Variants in NCKAP5 observed in about 807,000 individuals in gnomAD.
The protein encoded by NCKAP5 is nck-associated protein 5.
NCKAP5 carries 92 observed loss-of-function variants against 167.0 expected under a neutral mutation model. The ratio of observed to expected loss-of-function variants is 0.55; its 90% CI spans 0.47 to 0.66. The LOEUF is 0.66. Among genes scored for constraint, NCKAP5 ranks in the 30% least tolerant of loss-of-function variants. The pLI is 0.00. For missense variants in NCKAP5, 2,378 were observed against 2,315.0 expected (o/e 1.03, Z -0.56); for synonymous variants, 891 against 877.4 (o/e 1.02, Z -0.27).
At chr2:133,178,264 C>T (rs369121298) in intron 5 of NCKAP5, among the ~76,000 whole-genome samples, 3 of 151,828 alleles carry the variant, frequency 2.0e-5, no homozygotes, top group African/African-American at 4.8e-5. Flanking sequence ...TTTGGGAGGC[C>T]GAGCAGGTGG....
At chr2:132,766,810 T>C (rs1161665577) in intron 16 of NCKAP5, among the ~76,000 whole-genome samples, 2 of 152,222 alleles carry the variant, frequency 1.3e-5, no homozygotes, top group East Asian at 3.9e-4. Flanking sequence ...AGCTGCTCTA[T>C]TTGCTGACTT....
chr2:133,565,713 C>A (rs1688498491), intron 1 of NCKAP5, among the ~76,000 whole-genome samples: 1 of 152,218 alleles, frequency 6.6e-6, no homozygotes, highest in South Asian at 2.1e-4. Flanking sequence ...TCCCCGTCTT[C>A]ATGGTCAGAA....
At chr2:133,284,258 T>G (rs2090028779) in intron 4 of NCKAP5, among the ~76,000 whole-genome samples, 1 of 152,038 alleles carries the variant, frequency 6.6e-6, no homozygotes, top group Non-Finnish European at 1.5e-5. Context: ...CAATTCAAGC[T>G]TGTCTGTGTT....
chr2:133,507,054 C>T (rs780085435), intron 3 of NCKAP5, among the ~76,000 whole-genome samples: 11 of 152,216 alleles, frequency 7.2e-5, no homozygotes, highest in Non-Finnish European at 1.3e-4. Context: ...CTACCTACCA[C>T]ACCCACAGTC....
chr2:132,752,220 C>T (rs1051391782), intron 16 of NCKAP5, among the ~76,000 whole-genome samples: 3 of 152,184 alleles, frequency 2.0e-5, no homozygotes, highest in African/African-American at 7.2e-5. Context: ...GTTTTAGGGG[C>T]CTTGGGCCCT....
chr2:133,619,502 A>C, the NCKAP5 span, among the ~76,000 whole-genome samples: 5 of 150,812 alleles, frequency 3.3e-5, no homozygotes, highest in Non-Finnish European at 7.4e-5. Context: ...CAGAGCTTGA[A>C]GACAAGGCTT....
the NCKAP5 span, among the ~76,000 whole-genome samples, chr2:133,603,800 G>T: frequency 1.3e-5 from 2 of 152,196 alleles, no homozygotes; most frequent in Admixed American, 6.5e-5. Flanking sequence ...GCCTCCCAAA[G>T]TGCTGGGATT....
intron 2 of NCKAP5, among the ~76,000 whole-genome samples, chr2:133,544,989 A>T (rs534498388): frequency 1.3e-5 from 2 of 152,260 alleles, no homozygotes; most frequent in South Asian, 4.1e-4. Context: ...TCACAGCCTC[A>T]TCTTAAGGGT....
chr2:133,147,619 A>G (rs1352450396), intron 5 of NCKAP5, among the ~76,000 whole-genome samples: 2 of 152,128 alleles, frequency 1.3e-5, no homozygotes, highest in Non-Finnish European at 2.9e-5. Context: ...GTGGTGATGT[A>G]TAACTCACGG....
chr2:133,099,851 C>T (rs76505198), intron 6 of NCKAP5, among the ~76,000 whole-genome samples: 46 of 152,292 alleles, frequency 3.0e-4, no homozygotes, highest in African/African-American at 1.1e-3. Flanking sequence ...CTGCTGTCTG[C>T]TTTTGCACAT....
chr2:133,317,863 CT>C (rs909660190), intron 3 of NCKAP5, among the ~76,000 whole-genome samples: 3 of 152,208 alleles, frequency 2.0e-5, no homozygotes, highest in African/African-American at 7.2e-5. Flanking sequence ...ATCTTTACAT[CT>C]GACCATGAAA....
intron 3 of NCKAP5, among the ~76,000 whole-genome samples, chr2:133,313,359 T>G (rs1476859689): frequency 6.6e-6 from 1 of 151,514 alleles, no homozygotes; most frequent in African/African-American, 2.4e-5. Flanking sequence ...TTAAGTTGTA[T>G]TCTCCCATTC....
chr2:133,451,661 G>A (rs1156361585), intron 3 of NCKAP5, among the ~76,000 whole-genome samples: 1 of 152,172 alleles, frequency 6.6e-6, no homozygotes, highest in African/African-American at 2.4e-5. Context: ...GCAGGGCAGA[G>A]AGCATGACCA....
At chr2:132,840,585 C>T (rs982104139) in intron 11 of NCKAP5, among the ~76,000 whole-genome samples, 1 of 152,074 alleles carries the variant, frequency 6.6e-6, no homozygotes, top group Non-Finnish European at 1.5e-5. Flanking sequence ...CTTCATACAG[C>T]ATTTTAAGTG....
chr2:133,614,597 G>GA, the NCKAP5 span, among the ~76,000 whole-genome samples: 1 of 152,056 alleles, frequency 6.6e-6, no homozygotes, highest in Admixed American at 6.6e-5. Flanking sequence ...GAAGTTTAGA[G>GA]AAAAAAGAAT....
chr2:133,493,719 A>G (rs1172948481), intron 3 of NCKAP5, among the ~76,000 whole-genome samples: 1 of 152,204 alleles, frequency 6.6e-6, no homozygotes, highest in East Asian at 1.9e-4. Context: ...ATGGTTCACT[A>G]GTTAGTTTAT....
At chr2:133,321,890 A>G (rs1020645729) in intron 3 of NCKAP5, among the ~76,000 whole-genome samples, 3 of 152,178 alleles carry the variant, frequency 2.0e-5, no homozygotes, top group African/African-American at 7.2e-5. Context: ...TTCCAAAACA[A>G]TATCAATTGA....
intron 11 of NCKAP5, among the ~76,000 whole-genome samples, chr2:132,824,940 T>C (rs1262632725): frequency 3.9e-5 from 6 of 152,214 alleles, no homozygotes; most frequent in Non-Finnish European, 8.8e-5. Context: ...TTTATGGTTG[T>C]TTGTTACCAC....
At chr2:133,572,857 T>C (rs1409346987), upstream of NCKAP5, among the ~76,000 whole-genome samples, 1 of 152,198 alleles carries the variant, frequency 6.6e-6, no homozygotes, top group African/African-American at 2.4e-5. Flanking sequence ...GCCCATGTCA[T>C]TCTCACACAT....
Sources: allele counts gnomAD v4.1 joint callset (sites outside exome capture counted in the v4.1 genomes callset), GRCh38; gene constraint gnomAD v4.1.1; transcripts MANE v1.5; gene names NCBI Gene and HGNC (gene_info 2026-07-23, HGNC 2026-07-21).